CDH12: variants seen among roughly 807,000 people sequenced by gnomAD.
The protein encoded by CDH12 is cadherin-12.
In CDH12, 41 loss-of-function variants were observed where a neutral mutation model predicts 74.1. That is an observed-to-expected ratio of 0.55 (90% CI 0.43 to 0.72). The LOEUF (loss-of-function observed/expected upper bound fraction) is 0.72, where lower values mean the gene tolerates loss of function less well. Among genes scored for constraint, CDH12 ranks in the 30% least tolerant of loss-of-function variants. The probability of loss-of-function intolerance (pLI) is 0.00; values close to 1 mark genes in which losing one functional copy is unlikely to be tolerated. For synonymous variants in CDH12, 399 were observed against 355.0 expected, an observed-to-expected ratio of 1.12 and a Z score of -1.39; for missense variants, 945 against 977.2, an observed-to-expected ratio of 0.97 and a Z score of 0.44.
At chr5:22,232,171 C>T (rs1013038550) in intron 3 of CDH12, among the ~76,000 whole-genome samples, 6 of 151,454 alleles carry the variant, frequency 4.0e-5, no homozygotes, top group Admixed American at 6.6e-5. Context: ...ATTTGTTATT[C>T]GTGTGCTTAG....
chr5:22,498,945 C>G (rs1400919108), intron 2 of CDH12, among the ~76,000 whole-genome samples: 1 of 146,914 alleles, frequency 6.8e-6, no homozygotes, highest in Admixed American at 6.8e-5. Flanking sequence ...GCCCTGACAC[C>G]CAGACTGGAG....
chr5:21,904,158 A>C (rs1036420723), intron 6 of CDH12, among the ~76,000 whole-genome samples: 4 of 152,058 alleles, frequency 2.6e-5, no homozygotes, highest in African/African-American at 9.7e-5. Flanking sequence ...TTCATGTTAC[A>C]TTTTTCCCCG....
chr5:22,389,700 T>C (rs1321051623), intron 3 of CDH12, among the ~76,000 whole-genome samples: 1 of 148,842 alleles, frequency 6.7e-6, no homozygotes, highest in African/African-American at 2.5e-5. Flanking sequence ...CAGGCTGGAG[T>C]GCAGTGGCAT....
At chr5:22,188,678 G>A (rs917349231) in intron 4 of CDH12, among the ~76,000 whole-genome samples, 2 of 152,104 alleles carry the variant, frequency 1.3e-5, no homozygotes, top group Non-Finnish European at 2.9e-5. Context: ...ATTTTAAAGG[G>A]CTTTGTGGCC....
intron 9 of CDH12, among the ~76,000 whole-genome samples, chr5:21,805,175 T>C (rs1207197175): frequency 6.6e-6 from 1 of 152,110 alleles, no homozygotes; most frequent in African/African-American, 2.4e-5. Flanking sequence ...TTTGTACCAA[T>C]CATTCCCCAT....
rs138906414 is a variant in CDH12, at chr5:21,822,056, A to G, written c.815-4924T>C. On this transcript the variant is annotated intron_variant, in intron 8 of 14. Transcript: ENST00000382254. ...ACCTGTAGCTCTGTGACCCTGGGCAAAATATTTTAAACATCCCTCTTTTCC... is the reference window on the plus strand; with the variant it reads ...ACCTGTAGCTCTGTGACCCTGGGCAGAATATTTTAAACATCCCTCTTTTCC... 3.0e-3 allele frequency among the ~76,000 whole-genome samples: 456 copies of G among 152,084 alleles called. 1 individual carries two copies. Among genetic ancestry groups the G allele is most frequent in the African/African-American group, 0.011 (443 of 41,562 alleles).
intron 1 of CDH12, among the ~76,000 whole-genome samples, chr5:22,668,204 T>G (rs1342972404): frequency 6.6e-6 from 1 of 152,174 alleles, no homozygotes; most frequent in Non-Finnish European, 1.5e-5. Context: ...TTTCTAACTC[T>G]AGTTCTATAA....
intron 7 of CDH12, among the ~76,000 whole-genome samples, chr5:21,853,461 A>T (rs932963622): frequency 6.6e-6 from 1 of 151,480 alleles, no homozygotes; most frequent in African/African-American, 2.4e-5. Context: ...TAGTCCTTTA[A>T]CTTTTTGATG....
rs556171396 is a variant in CDH12 at position 22,379,211 on chromosome 5, A to T, written c.-333+26046T>A. 4.4e-4 allele frequency among the ~76,000 whole-genome samples: 67 copies of T among 152,292 alleles called. 1 individual carries two copies. The highest frequency in any genetic ancestry group is 1.5e-3 in the African/African-American group (64 of 41,588). The stretch of plus-strand genomic sequence containing the variant: ...CAAAACTGCCAAGATGTTGCAAGAT[A>T]TAAATGGTGGAAAGAGATCATGTTC... On this transcript the variant is annotated intron_variant, in intron 3 of 14. Transcript: ENST00000382254.
At chr5:22,694,894 A>G (rs959440557) in intron 1 of CDH12, among the ~76,000 whole-genome samples, 1 of 152,042 alleles carries the variant, frequency 6.6e-6, no homozygotes, top group African/African-American at 2.4e-5. Flanking sequence ...ACATAAGTAT[A>G]CATGTGCCAT....
intron 1 of CDH12, among the ~76,000 whole-genome samples, chr5:22,576,497 G>A (rs1041251255): frequency 6.6e-6 from 1 of 152,142 alleles, no homozygotes; most frequent in Non-Finnish European, 1.5e-5. Context: ...TAAATATATG[G>A]AGAAATAGAC....
intron 2 of CDH12, among the ~76,000 whole-genome samples, chr5:22,436,761 C>T (rs901433207): frequency 2.0e-5 from 3 of 151,954 alleles, no homozygotes; most frequent in African/African-American, 7.2e-5. Context: ...CAAAATAGTT[C>T]AACTCTATAA....
At chr5:22,556,174 A>G (rs1334370191) in intron 1 of CDH12, among the ~76,000 whole-genome samples, 1 of 152,050 alleles carries the variant, frequency 6.6e-6, no homozygotes, top group African/African-American at 2.4e-5. Flanking sequence ...ATACCCAAAT[A>G]AGTGTACTTG....
intron 10 of CDH12, among the ~76,000 whole-genome samples, chr5:21,797,886 C>G (rs370007550): frequency 1.3e-5 from 2 of 152,064 alleles, no homozygotes; most frequent in Non-Finnish European, 2.9e-5. Context: ...TTGGCCTCAT[C>G]ATTCTTTTAT....
At position 22,156,981 on chromosome 5, in the gene CDH12, G is replaced by T. The variant is rs554526384; in HGVS notation, c.-187+55517C>A. Among the ~76,000 whole-genome samples the T allele has an allele frequency of 4.7e-4, 71 of 152,212 alleles. 1 individual carries two copies. The highest frequency in any genetic ancestry group is 1.6e-3 in the African/African-American group (67 of 41,550). On this transcript the variant is annotated intron_variant, in intron 4 of 14. Coordinates refer to ENST00000382254, the MANE Select transcript of CDH12 (RefSeq NM_004061.5). ...AAGAAAAGCATGTATTTTCCAACAA[G>T]TCTCTATGCTATCTGAACTCTAGTA...
intron 7 of CDH12, among the ~76,000 whole-genome samples, chr5:21,847,247 A>T (rs1218510964): frequency 4.6e-5 from 7 of 152,082 alleles, no homozygotes; most frequent in African/African-American, 1.4e-4. Flanking sequence ...TTTCCAAGGG[A>T]TGCTTATTTG....
chr5:22,654,677 C>T (rs1739937776), intron 1 of CDH12, among the ~76,000 whole-genome samples: 1 of 151,274 alleles, frequency 6.6e-6, no homozygotes, highest in African/African-American at 2.4e-5. Context: ...CTCTTGTTGC[C>T]TAGGCTGGAG....
At chr5:22,619,758 T>G (rs1737877234) in intron 1 of CDH12, among the ~76,000 whole-genome samples, 1 of 151,984 alleles carries the variant, frequency 6.6e-6, no homozygotes, top group South Asian at 2.1e-4. Flanking sequence ...CACTGTTTAC[T>G]GGTACTATGC....
At chr5:21,867,082 C>T (rs532537739) in intron 6 of CDH12, among the ~76,000 whole-genome samples, 13 of 152,208 alleles carry the variant, frequency 8.5e-5, no homozygotes, top group East Asian at 1.9e-4. Context: ...TGGGCCAGCG[C>T]GGTGGCTCTC....
Sources: gnomAD v4.1 joint callset for allele counts (sites outside exome capture counted in the v4.1 genomes callset) on GRCh38, gnomAD v4.1.1 for gene constraint, MANE v1.5 for transcripts, NCBI Gene and HGNC (gene_info 2026-07-23, HGNC 2026-07-21) for gene names.